The following CMC1 variants were observed in gnomAD, a reference collection of about 807,000 sequenced individuals.
CMC1 encodes COX assembly mitochondrial protein homolog.
In CMC1, 14 loss-of-function variants were observed where a neutral mutation model predicts 14.1. The ratio of observed to expected loss-of-function variants is 0.99; its 90% CI spans 0.66 to 1.55. The LOEUF is 1.55. Among genes scored for constraint, CMC1 ranks in the 40% most tolerant of loss-of-function variants. The pLI is 0.00. For synonymous variants in CMC1, 50 were observed against 38.4 expected, an observed-to-expected ratio of 1.30 and a Z score of -1.12; for missense variants, 127 against 123.8, an observed-to-expected ratio of 1.03 and a Z score of -0.12.
intron 2 of CMC1, among the ~76,000 whole-genome samples, chr3:28,308,025 C>A (rs904588251): frequency 6.6e-6 from 1 of 152,146 alleles, no homozygotes; most frequent in African/African-American, 2.4e-5. Flanking sequence ...TGTTCTCTTC[C>A]GCATCTGTCT....
At chr3:28,275,328 G>GTT (rs1351052957) in intron 2 of CMC1, among the ~76,000 whole-genome samples, 14 of 72,192 alleles carry the variant, frequency 1.9e-4, no homozygotes, top group South Asian at 7.2e-4. Flanking sequence ...TTAGTTGTTT[G>GTT]TTTTTTTTTT....
rs921238217 is a variant in CMC1 at position 28,323,871 on chromosome 3, A to C, written c.*4242A>C. 4.5e-6 allele frequency: 3 copies of C among 661,554 alleles called. No homozygotes were observed. Among genetic ancestry groups the C allele is most frequent in the African/African-American group, 3.7e-5 (2 of 54,720 alleles). The allele number at this position is 661,554 out of a possible 1,614,324, so 41.0% of individuals were successfully genotyped here. On this transcript the variant is annotated 3_prime_UTR_variant, in exon 4 of 4. Transcript: ENST00000466830. The stretch of plus-strand genomic sequence containing the variant: ...GCTAGAGGGTGCTCTTTCATACTAG[A>C]AAACCAACTATGTTGGTTTTTGTAC...
chr3:28,275,324 G>GTTTTTT (rs1559416008), intron 2 of CMC1, among the ~76,000 whole-genome samples: 1 of 108,456 alleles, frequency 9.2e-6, no homozygotes, highest in East Asian at 2.7e-4. Context: ...ACTGTTAGTT[G>GTTTTTT]TTTGTTTTTT....
intron 2 of CMC1, among the ~76,000 whole-genome samples, chr3:28,282,300 T>C (rs1303578950): frequency 6.6e-6 from 1 of 152,196 alleles, no homozygotes; most frequent in Non-Finnish European, 1.5e-5. Flanking sequence ...TAAAGAGACG[T>C]CCCTATCTCA....
In CMC1 at chr3:28,323,081, A is replaced by G. The variant is rs1703239368; in HGVS notation, c.*3452A>G. Reference sequence around the variant, plus strand: ...AGCCCAAACCCTGATTTCTATGATTAAAAATAATAATTTTAAATCACTTTC... The same window carrying G: ...AGCCCAAACCCTGATTTCTATGATTGAAAATAATAATTTTAAATCACTTTC... On this transcript the variant is annotated 3_prime_UTR_variant, in exon 4 of 4. Transcript: ENST00000466830. 1 of 151,180 alleles carries G rather than the reference A, an allele frequency of 6.6e-6. No homozygotes were observed. The allele number at this position is 151,180 out of a possible 1,614,324, so 9.4% of individuals were successfully genotyped here.
intron 3 of CMC1, 49 bp downstream of exon 3, chr3:28,316,472 T>C (rs371207589): frequency 7.7e-6 from 8 of 1,040,520 alleles, no homozygotes; most frequent in Non-Finnish European, 1.1e-5. Flanking sequence ...TTGTGGTAGA[T>C]AAGAGTATGT....
intron 2 of CMC1, among the ~76,000 whole-genome samples, chr3:28,290,999 T>A (rs1254210076): frequency 2.0e-5 from 3 of 152,044 alleles, no homozygotes; most frequent in African/African-American, 7.2e-5. Context: ...AGGTCACTCA[T>A]GGTTGTTGGC....
intron 1 of CMC1, among the ~76,000 whole-genome samples, chr3:28,260,796 T>C (rs1278183721): frequency 6.6e-6 from 1 of 152,176 alleles, no homozygotes; most frequent in African/African-American, 2.4e-5. Context: ...TGTTTTTATT[T>C]TCATTCATAT....
Position 28,241,650 on chromosome 3 carries a change from C to T in CMC1, c.-144C>T, listed in dbSNP as rs1291122284. 24 of 1,232,726 alleles carry T rather than the reference C, an allele frequency of 1.9e-5. No homozygotes were observed. The highest frequency in any genetic ancestry group is 2.3e-5 in the Non-Finnish European group (23 of 987,740). 76.4% of individuals were successfully genotyped at this position (1,232,726 alleles called of 1,614,324 possible). ...GGAAGGAAGAGGGAACGGGTCCTGG[C>T]GGTGCTTTGCAAAGGGCCCGTGTTT... On this transcript the variant is annotated 5_prime_UTR_variant, in exon 1 of 4. Transcript: ENST00000466830.
chr3:28,312,740 T>G (rs998188626), intron 2 of CMC1, among the ~76,000 whole-genome samples: 3 of 152,360 alleles, frequency 2.0e-5, no homozygotes, highest in African/African-American at 7.2e-5. Context: ...CTACTTGTAC[T>G]TAATTACAAT....
At chr3:28,247,919 A>G (rs948987578) in intron 1 of CMC1, among the ~76,000 whole-genome samples, 1 of 151,932 alleles carries the variant, frequency 6.6e-6, no homozygotes, top group Non-Finnish European at 1.5e-5. Flanking sequence ...CATCTTCCCT[A>G]TCCCCAGGTC....
chr3:28,244,889 T>G (rs1166906024), intron 1 of CMC1, among the ~76,000 whole-genome samples: 2 of 82,992 alleles, frequency 2.4e-5, no homozygotes, highest in Non-Finnish European at 5.3e-5. Context: ...GTAGGAAGGT[T>G]TTTTTTTTTT....
intron 2 of CMC1, among the ~76,000 whole-genome samples, chr3:28,309,861 A>ACACACACACACAC (rs1559444334): frequency 2.3e-5 from 3 of 129,502 alleles, no homozygotes; most frequent in South Asian, 2.4e-4. Flanking sequence ...ACACACACAC[A>ACACACACACACAC]AGCTAATTGC....
intron 1 of CMC1, among the ~76,000 whole-genome samples, chr3:28,260,642 G>T (rs148479027): frequency 6.7e-6 from 1 of 149,494 alleles, no homozygotes; most frequent in African/African-American, 2.5e-5. Context: ...CTTGCTTTGT[G>T]TTTATTTTAC....
chr3:28,242,169 C>T (rs902574819), intron 1 of CMC1, among the ~76,000 whole-genome samples: 2 of 152,168 alleles, frequency 1.3e-5, no homozygotes, highest in African/African-American at 4.8e-5. Context: ...TTTGTTCTGG[C>T]GCACAGTTTT....
rs57499697 is a variant in CMC1 at position 28,309,821 on chromosome 3, CCACA to C, written c.110-6475_110-6472del. The stretch of plus-strand genomic sequence containing the variant: ...CCTTTTCTCCTGCAGCTGATATTTA[CCACA>C]CACACACACACACACACACACACAC... On this transcript the variant is annotated intron_variant, in intron 2 of 3. Transcript: ENST00000466830. Among the ~76,000 whole-genome samples, 493 of 131,860 alleles carry C rather than the reference CCACA, an allele frequency of 3.7e-3. 4 individuals are homozygous for C. Among genetic ancestry groups the C allele is most frequent in the African/African-American group, 9.9e-3 (332 of 33,554 alleles). 86.5% of individuals were successfully genotyped at this position (131,860 alleles called of 152,430 possible).
At chr3:28,264,657 T>C (rs1458022795) in intron 2 of CMC1, among the ~76,000 whole-genome samples, 1 of 152,144 alleles carries the variant, frequency 6.6e-6, no homozygotes, top group Non-Finnish European at 1.5e-5. Context: ...ATGTTTATGG[T>C]CACAAGAGGT....
intron 2 of CMC1, among the ~76,000 whole-genome samples, chr3:28,315,409 A>T (rs1702845907): frequency 6.6e-6 from 1 of 152,168 alleles, no homozygotes; most frequent in Non-Finnish European, 1.5e-5. Context: ...TATCTACAGC[A>T]CCTAGAACTT....
intron 2 of CMC1, among the ~76,000 whole-genome samples, chr3:28,311,165 CTTTT>C (rs879658154): frequency 4.1e-5 from 6 of 146,254 alleles, no homozygotes; most frequent in Non-Finnish European, 9.1e-5. Context: ...CTGTGGTACT[CTTTT>C]TTTTTTTCTG....
Sources: allele counts gnomAD v4.1 joint callset (sites outside exome capture counted in the v4.1 genomes callset), GRCh38; gene constraint gnomAD v4.1.1; transcripts MANE v1.5; gene names NCBI Gene and HGNC (gene_info 2026-07-23, HGNC 2026-07-21).